The following GREB1L variants were observed in gnomAD, a reference collection of about 807,000 sequenced individuals.
GREB1L encodes GREB1-like protein.
GREB1L carries 17 observed loss-of-function variants against 200.8 expected under a neutral mutation model. The ratio of observed to expected loss-of-function variants is 0.08; its 90% confidence interval spans 0.06 to 0.13. GREB1L has a LOEUF of 0.13. Ranked by LOEUF, GREB1L falls within the 10% of genes least tolerant of loss-of-function variation. The pLI, the probability that GREB1L is intolerant of heterozygous loss-of-function variation, is 1.00. For synonymous variants in GREB1L, 789 were observed against 893.0 expected, an observed-to-expected ratio of 0.88 and a Z score of 2.08; for missense variants, 1,657 against 2,367.7, an observed-to-expected ratio of 0.70 and a Z score of 6.23.
chr18:21,285,528 A>G (rs1169748112), intron 1 of GREB1L, among the ~76,000 whole-genome samples: 1 of 152,218 alleles, frequency 6.6e-6, no homozygotes, highest in Non-Finnish European at 1.5e-5. Flanking sequence ...AATGAGACCA[A>G]TGCAGGAAGA....
chr18:21,344,270 A>G (rs1210811750), intron 1 of GREB1L, among the ~76,000 whole-genome samples: 2 of 152,132 alleles, frequency 1.3e-5, no homozygotes, highest in Non-Finnish European at 1.5e-5. Context: ...GCTTGGTGGC[A>G]GGCGCCTGTA....
At chr18:21,466,712 C>T (rs1237793962) in intron 15 of GREB1L, among the ~76,000 whole-genome samples, 1 of 152,134 alleles carries the variant, frequency 6.6e-6, no homozygotes, top group East Asian at 1.9e-4. Flanking sequence ...GCATCCCCTA[C>T]CAAAATCCCA....
chr18:21,434,115 G>A (rs1568007232), intron 7 of GREB1L, among the ~76,000 whole-genome samples: 1 of 152,090 alleles, frequency 6.6e-6, no homozygotes, highest in Non-Finnish European at 1.5e-5. Context: ...ATTTCAGTGA[G>A]TTGGTTTGCA....
At chr18:21,321,555 C>T (rs756165419) in intron 1 of GREB1L, among the ~76,000 whole-genome samples, 13 of 151,648 alleles carry the variant, frequency 8.6e-5, no homozygotes, top group Non-Finnish European at 1.9e-4. Flanking sequence ...GGCATGGTGG[C>T]GGGCACCTGT....
At chr18:21,402,639 C>G (rs1720435714) in intron 6 of GREB1L, among the ~76,000 whole-genome samples, 1 of 151,906 alleles carries the variant, frequency 6.6e-6, no homozygotes, top group African/African-American at 2.4e-5. Flanking sequence ...CCTCTTACCT[C>G]AGCCTCACAA....
At position 21,485,697 on chromosome 18, in the gene GREB1L, C is replaced by A; in HGVS notation, c.2634C>A (p.Ser878Arg). The A allele has an allele frequency of 6.4e-7, 1 of 1,551,442 alleles. No homozygotes were observed. The highest frequency in any genetic ancestry group is 8.7e-7 in the Non-Finnish European group (1 of 1,146,794). ...YSKSLQWGIT[S>R]PLLRCDETFE... ...AGTCTCTGCAGTGGGGGATCACGAG[C>A]CCACTTCTGAGATGTGACGAGACTT... Residue 878 changes from serine to arginine, a missense_variant, in exon 18 of 33, where the codon AGC becomes AGA. Around this residue, in one of 9 missense-constraint regions of GREB1L, gnomAD observed 82 missense variants for 95.9 expected, o/e 0.85. Coordinates refer to ENST00000424526, the MANE Select transcript of GREB1L (RefSeq NM_001142966.3).
At chr18:21,418,695 TTGTATTTTTATTAGAGACAGG>T (rs1240762710) in intron 7 of GREB1L, among the ~76,000 whole-genome samples, 1 of 151,996 alleles carries the variant, frequency 6.6e-6, no homozygotes, top group African/African-American at 2.4e-5. Flanking sequence ...GCTAATTTTT[TTGTATTTTTATTAGAGACAGG>T]GTTTCACCAT....
intron 7 of GREB1L, among the ~76,000 whole-genome samples, chr18:21,415,712 A>T (rs988257003): frequency 1.3e-5 from 2 of 152,272 alleles, no homozygotes; most frequent in African/African-American, 4.8e-5. Context: ...GGAAAACCAC[A>T]TAATACATCA....
intron 14 of GREB1L, among the ~76,000 whole-genome samples, chr18:21,453,147 G>C (rs547536574): frequency 3.3e-5 from 5 of 152,260 alleles, no homozygotes; most frequent in African/African-American, 1.2e-4. Context: ...TACATTCTTG[G>C]TTCCCTGTTT....
intron 1 of GREB1L, among the ~76,000 whole-genome samples, chr18:21,275,513 C>T (rs1416801630): frequency 6.6e-6 from 1 of 151,812 alleles, no homozygotes; most frequent in Non-Finnish European, 1.5e-5. Flanking sequence ...ATTAGCTGGG[C>T]GTGGTGGTGC....
At chr18:21,303,101 C>T (rs1380914143) in intron 1 of GREB1L, among the ~76,000 whole-genome samples, 1 of 152,148 alleles carries the variant, frequency 6.6e-6, no homozygotes, top group African/African-American at 2.4e-5. Flanking sequence ...GGATGATCTG[C>T]CTACCTCTGT....
At chr18:21,321,199 G>A (rs1262668811) in intron 1 of GREB1L, among the ~76,000 whole-genome samples, 3 of 152,000 alleles carry the variant, frequency 2.0e-5, no homozygotes, top group Non-Finnish European at 2.9e-5. Flanking sequence ...GAGGCCTGAG[G>A]CAGGAGAATC....
intron 7 of GREB1L, among the ~76,000 whole-genome samples, chr18:21,406,074 A>AG (rs1189111675): frequency 6.6e-6 from 1 of 151,860 alleles, no homozygotes; most frequent in East Asian, 1.9e-4. Flanking sequence ...AAAAAAAAAA[A>AG]AGAACAATAA....
At chr18:21,502,011 A>C (rs930100592) in intron 23 of GREB1L, among the ~76,000 whole-genome samples, 10 of 152,196 alleles carry the variant, frequency 6.6e-5, no homozygotes, top group African/African-American at 2.4e-4. Flanking sequence ...CTGTAATCCC[A>C]GCACTTTGGG....
chr18:21,472,567 G>A lies in GREB1L; in HGVS notation c.2183-464G>A, dbSNP rs142016195. Among the ~76,000 whole-genome samples, 106 of 151,746 alleles carry A rather than the reference G, an allele frequency of 7.0e-4. No homozygotes were observed. The Middle Eastern group carries it at 0.014, about 19-fold the overall frequency. ...TACCATGAAAAGCTGACAATCTAAC[G>A]TGGTATCCTTGAACATTATATTGGT... On this transcript the variant is annotated intron_variant, in intron 15 of 32. Coordinates refer to ENST00000424526, the MANE Select transcript of GREB1L (RefSeq NM_001142966.3).
At chr18:21,403,079 A>T (rs1339098453) in intron 6 of GREB1L, among the ~76,000 whole-genome samples, 1 of 152,088 alleles carries the variant, frequency 6.6e-6, no homozygotes, top group Non-Finnish European at 1.5e-5. Context: ...ACTTGGAGAC[A>T]CTCTAAAGGA....
chr18:21,297,012 G>C (rs2038540146), intron 1 of GREB1L, among the ~76,000 whole-genome samples: 1 of 152,120 alleles, frequency 6.6e-6, no homozygotes. Context: ...CATGATTTTA[G>C]TGTACAGCCG....
chr18:21,384,783 T>C (rs1598733494), intron 4 of GREB1L, among the ~76,000 whole-genome samples: 2 of 146,742 alleles, frequency 1.4e-5, no homozygotes, highest in East Asian at 2.0e-4. Flanking sequence ...TTCTTTCTAT[T>C]CCCCCCCGCC....
intron 15 of GREB1L, among the ~76,000 whole-genome samples, chr18:21,471,185 C>A (rs780430672): frequency 6.6e-6 from 1 of 152,208 alleles, no homozygotes; most frequent in Non-Finnish European, 1.5e-5. Flanking sequence ...GTCTTTATTT[C>A]ATTTGTTTTG....
Sources: gnomAD v4.1 joint callset for allele counts (sites outside exome capture counted in the v4.1 genomes callset) on GRCh38, gnomAD v4.1.1 for gene constraint, gnomAD v4.1.1 regional missense constraint, MANE v1.5 for transcripts, NCBI Gene and HGNC (gene_info 2026-07-23, HGNC 2026-07-21) for gene names.